Variants in TTC29 observed in about 807,000 individuals in gnomAD.
TTC29 encodes the protein tetratricopeptide repeat protein 29.
A neutral mutation model predicts 58.1 loss-of-function variants in TTC29; 49 were observed. That is an observed-to-expected ratio of 0.84 (90% CI 0.67 to 1.07). The LOEUF (loss-of-function observed/expected upper bound fraction) is 1.07, where lower values mean the gene tolerates loss of function less well. Among genes scored for constraint, TTC29 ranks in the 50% least tolerant of loss-of-function variants. TTC29 has a pLI of 0.00. For synonymous variants in TTC29, 209 were observed against 196.8 expected (o/e 1.06, Z -0.52); for missense variants, 582 against 555.6 (o/e 1.05, Z -0.48).
chr4:146,744,883 G>A (rs570262909), intron 11 of TTC29, among the ~76,000 whole-genome samples: 15 of 152,270 alleles, frequency 9.9e-5, no homozygotes, highest in South Asian at 2.1e-4. Context: ...CCAACAAGAC[G>A]TGTGAGTTGT....
At position 146,822,121 on chromosome 4, in the gene TTC29, TAAA is replaced by T. The variant is rs200326558; in HGVS notation, c.978-1876_978-1874del. Reference sequence around the variant, plus strand: ...TGCAAGTTCAGAAAGTATTTTCTTTTAAAAAAAAAAAAAAGGGATACATGTGTA... The same window carrying T: ...TGCAAGTTCAGAAAGTATTTTCTTTTAAAAAAAAAAAGGGATACATGTGTA... On this transcript the variant is annotated intron_variant, in intron 9 of 12. Transcript: ENST00000325106. 9.0e-3 allele frequency among the ~76,000 whole-genome samples: 1,287 copies of T among 143,346 alleles called. 14 individuals are homozygous for T. Among genetic ancestry groups the T allele is most frequent in the African/African-American group, 0.031 (1,228 of 39,330 alleles). 94.0% of individuals were successfully genotyped at this position (143,346 alleles called of 152,430 possible). A position where few individuals can be genotyped will look rare whatever the true frequency, so the allele number is the denominator to read the frequency against.
chr4:146,899,023 G>A (rs1732961112), intron 6 of TTC29, among the ~76,000 whole-genome samples: 1 of 152,210 alleles, frequency 6.6e-6, no homozygotes, highest in African/African-American at 2.4e-5. Flanking sequence ...AAGTGCTGGT[G>A]CTTCCTCAAC....
chr4:146,781,015 G>A (rs1367700527), intron 11 of TTC29, among the ~76,000 whole-genome samples: 2 of 152,068 alleles, frequency 1.3e-5, no homozygotes, highest in South Asian at 2.1e-4. Context: ...ATAACATAAA[G>A]TACACAAGAA....
intron 6 of TTC29, among the ~76,000 whole-genome samples, chr4:146,887,632 T>C (rs1732076690): frequency 6.6e-6 from 1 of 152,156 alleles, no homozygotes; most frequent in Non-Finnish European, 1.5e-5. Flanking sequence ...AGATCCAATA[T>C]GACTCTAAAA....
intron 11 of TTC29, among the ~76,000 whole-genome samples, chr4:146,762,500 A>C (rs921115818): frequency 6.6e-6 from 1 of 151,968 alleles, no homozygotes; most frequent in Non-Finnish European, 1.5e-5. Flanking sequence ...CAACAGTTAA[A>C]TACACAATTA....
chr4:146,826,161 TG>T lies in TTC29; in HGVS notation c.978-5914del, dbSNP rs1441574016. 1.1e-4 allele frequency among the ~76,000 whole-genome samples: 16 copies of T among 152,116 alleles called. No individual in the cohort carries two copies. The East Asian group carries it at 3.1e-3, about 29-fold the overall frequency. The stretch of plus-strand genomic sequence containing the variant: ...ATTTGATCCTGTCATCATAATGCTA[TG>T]TGGTTATTTTGCACACTAGTTAATG... On this transcript the variant is annotated intron_variant, in intron 9 of 12. Coordinates refer to ENST00000325106, the MANE Select transcript of TTC29 (RefSeq NM_031956.4).
chr4:146,844,245 T>G (rs1729024352), intron 8 of TTC29, among the ~76,000 whole-genome samples: 1 of 152,196 alleles, frequency 6.6e-6, no homozygotes, highest in Non-Finnish European at 1.5e-5. Context: ...GGCAGATGGC[T>G]CTGAAACCTC....
At chr4:146,751,223 C>T (rs988355615) in intron 11 of TTC29, among the ~76,000 whole-genome samples, 14 of 152,084 alleles carry the variant, frequency 9.2e-5, no homozygotes, top group African/African-American at 2.2e-4. Flanking sequence ...AAGCAAATAT[C>T]GATGAACACA....
At chr4:146,928,514 G>C (rs948888762) in intron 4 of TTC29, among the ~76,000 whole-genome samples, 1 of 152,130 alleles carries the variant, frequency 6.6e-6, no homozygotes, top group African/African-American at 2.4e-5. Flanking sequence ...GCACAGGCTG[G>C]GATGAGACTG....
chr4:146,932,604 G>A (rs1004152532), intron 4 of TTC29, among the ~76,000 whole-genome samples: 3 of 152,028 alleles, frequency 2.0e-5, no homozygotes, highest in Non-Finnish European at 2.9e-5. Context: ...CATATAAAAA[G>A]TATATTTGTA....
chr4:146,922,012 C>CAAAAAAAA (rs34167190), intron 4 of TTC29, among the ~76,000 whole-genome samples: 16 of 107,390 alleles, frequency 1.5e-4, no homozygotes, highest in East Asian at 5.5e-4. Context: ...GGATCCCCTA[C>CAAAAAAAA]AAAAAAAAAA....
chr4:146,887,683 G>A (rs2150243095), intron 6 of TTC29, among the ~76,000 whole-genome samples: 1 of 152,082 alleles, frequency 6.6e-6, no homozygotes, highest in East Asian at 1.9e-4. Flanking sequence ...TCTCAACCCA[G>A]TTTTAAACAA....
intron 8 of TTC29, among the ~76,000 whole-genome samples, chr4:146,857,037 A>C (rs897086285): frequency 7.3e-5 from 11 of 151,436 alleles, no homozygotes; most frequent in African/African-American, 2.2e-4. Flanking sequence ...TATTCAAAAT[A>C]AGATCAGATA....
chr4:146,908,804 TC>T (rs1356493070), intron 5 of TTC29, among the ~76,000 whole-genome samples: 5 of 152,214 alleles, frequency 3.3e-5, no homozygotes, highest in Non-Finnish European at 7.3e-5. Flanking sequence ...TGTGTTGTCT[TC>T]CCTGGCTCGG....
chr4:146,847,315 A>G (rs1729236403), intron 8 of TTC29, among the ~76,000 whole-genome samples: 1 of 152,186 alleles, frequency 6.6e-6, no homozygotes, highest in African/African-American at 2.4e-5. Context: ...CTGGCTTCCC[A>G]GTAGAGTTTT....
rs536173357 is a variant in TTC29, at chr4:146,880,041, C to T, written c.587-5113G>A. 3.0e-4 allele frequency among the ~76,000 whole-genome samples: 45 copies of T among 152,208 alleles called. No individual in the cohort carries two copies. The Middle Eastern group carries it at 0.017, about 58-fold the overall frequency. ...AAGGCCTGCATGCATGGCTCTATAC[C>T]AAGCAAAAGTCCAGATAGTCCACCA... On this transcript the variant is annotated intron_variant, in intron 6 of 12. Transcript: ENST00000325106.
At chr4:146,802,094 T>C (rs1206901528) in intron 11 of TTC29, among the ~76,000 whole-genome samples, 2 of 151,976 alleles carry the variant, frequency 1.3e-5, no homozygotes, top group Non-Finnish European at 2.9e-5. Flanking sequence ...GTATTTTTTT[T>C]TTCATAATTA....
intron 4 of TTC29, among the ~76,000 whole-genome samples, chr4:146,937,317 G>C (rs969170737): frequency 1.3e-5 from 2 of 151,848 alleles, no homozygotes; most frequent in African/African-American, 4.8e-5. Context: ...TAAAATGAAG[G>C]TTAACAAGCA....
intron 11 of TTC29, among the ~76,000 whole-genome samples, chr4:146,725,199 G>A (rs1743678911): frequency 6.6e-6 from 1 of 152,116 alleles, no homozygotes; most frequent in South Asian, 2.1e-4. Context: ...CAGTGAAAGA[G>A]ATGCTACTAA....
Sources: gnomAD v4.1 joint callset for allele counts (sites outside exome capture counted in the v4.1 genomes callset) on GRCh38, gnomAD v4.1.1 for gene constraint, MANE v1.5 for transcripts, NCBI Gene and HGNC (gene_info 2026-07-23, HGNC 2026-07-21) for gene names.